FGD6: variants seen among roughly 807,000 people sequenced by gnomAD.
FGD6 encodes the protein FYVE, RhoGEF and PH domain-containing protein 6.
FGD6 carries 90 observed loss-of-function variants against 149.4 expected under a neutral mutation model. That is an observed-to-expected ratio of 0.60 (90% CI 0.51 to 0.72). FGD6 has a LOEUF of 0.72. Among genes scored for constraint, FGD6 ranks in the 30% least tolerant of loss-of-function variants. FGD6 has a pLI of 0.00. For missense variants in FGD6, 1,437 were observed against 1,684.8 expected, an observed-to-expected ratio of 0.85 and a Z score of 2.57; for synonymous variants, 527 against 584.0, an observed-to-expected ratio of 0.90 and a Z score of 1.41.
At chr12:95,157,521 G>A (rs939611535) in intron 3 of FGD6, among the ~76,000 whole-genome samples, 3 of 135,142 alleles carry the variant, frequency 2.2e-5, no homozygotes, top group South Asian at 2.3e-4. Flanking sequence ...AGTCATGATC[G>A]TGCCACTGCA....
rs142845815 is a variant in FGD6 at position 95,209,018 on chromosome 12, C to T, written c.2266G>A (p.Glu756Lys). ...PEYENIRHYE[E>K]IPEYENLPFI... ...GGCAAGTTCTCGTACTCTGGTATTTCCTCATAATGGCGTATATTTTCATAC... is the reference window on the plus strand; with the variant it reads ...GGCAAGTTCTCGTACTCTGGTATTTTCTCATAATGGCGTATATTTTCATAC... The change falls in exon 2 of 21, where the codon GAA becomes AAA. Residue 756 changes from glutamate to lysine, a missense_variant. By Grantham distance (56) the Glu-to-Lys change is moderately conservative (BLOSUM62 1). This residue lies in a region of FGD6 where 1,055 missense variants were observed against 1,146.0 expected (regional missense o/e 0.92). Transcript: ENST00000343958. 1,443 of 1,614,090 alleles carry T rather than the reference C, an allele frequency of 8.9e-4. 2 individuals are homozygous for T. Among genetic ancestry groups the T allele is most frequent in the Non-Finnish European group, 1.2e-3 (1,383 of 1,180,020 alleles).
chr12:95,182,220 CTTT>C (rs34662366), intron 2 of FGD6, among the ~76,000 whole-genome samples: 18 of 135,268 alleles, frequency 1.3e-4, no homozygotes, highest in South Asian at 4.7e-4. Flanking sequence ...TGTATACATA[CTTT>C]TTTTTTTTTT....
rs1879838698 is a variant in FGD6, at chr12:95,141,410, G to A, written c.2815C>T (p.Leu939=). 1 of 1,613,902 alleles carries A rather than the reference G, an allele frequency of 6.2e-7. No individual in the cohort carries two copies. Among genetic ancestry groups the A allele is most frequent in the Non-Finnish European group, 8.5e-7 (1 of 1,179,984 alleles). ...YELNRDLLKE[L]EERMLHWTEQ... is the part of the protein sequence containing the mutation. ...TACCAGTGCAACATTCTTTCCTCCA[G>A]TTCCTTCAAGAGATCCCGGTTGAGC... Residue 939 remains leucine, a synonymous_variant, in exon 6 of 21, where the codon CTG becomes TTG. Transcript: ENST00000343958.
At chr12:95,143,485 C>T (rs1879917106) in intron 5 of FGD6, among the ~76,000 whole-genome samples, 1 of 152,104 alleles carries the variant, frequency 6.6e-6, no homozygotes, top group Admixed American at 6.6e-5. Context: ...CACATTAGCC[C>T]AAAGGAGCCA....
intron 2 of FGD6, among the ~76,000 whole-genome samples, chr12:95,204,749 C>G (rs1457325337): frequency 6.6e-6 from 1 of 152,122 alleles, no homozygotes; most frequent in Non-Finnish European, 1.5e-5. Context: ...GATAATTCAC[C>G]TCCCTTGGGC....
At chr12:95,104,929 CA>C in intron 14 of FGD6, 77 bp downstream of exon 14, 1 of 1,380,390 alleles carries the variant, frequency 7.2e-7, no homozygotes, top group Admixed American at 2.4e-5. Flanking sequence ...AACCAAAAAC[CA>C]AAATTTTCCT....
chr12:95,130,386 G>A (rs1219106674), intron 8 of FGD6, among the ~76,000 whole-genome samples: 1 of 152,082 alleles, frequency 6.6e-6, no homozygotes, highest in African/African-American at 2.4e-5. Context: ...AAAGTTGCCA[G>A]GAGTTGCCTC....
Position 95,209,375 on chromosome 12 carries a change from T to C in FGD6, c.1909A>G (p.Ile637Val). The change falls in exon 2 of 21, where the codon ATC (isoleucine) becomes GTC (valine). Residue 637 changes from isoleucine (I) to valine (V), a missense_variant. Transcript: ENST00000343958. ...TGAAAGTCACTCTTCATGAAACAGA[T>C]GGACAGTTTCATGCTGAGCAACTTT... ...FKKLLSMKLS[I>V]CFMKSDFQKF... 1 of 1,613,512 alleles carries C rather than the reference T, an allele frequency of 6.2e-7. No homozygotes were observed. The highest frequency in any genetic ancestry group is 8.5e-7 in the Non-Finnish European group (1 of 1,179,676).
rs2056716429 is a variant in FGD6, at chr12:95,210,034, G to T, written c.1250C>A (p.Ser417Tyr). The change falls in exon 2 of 21, where the codon TCT (serine) becomes TAT (tyrosine). Residue 417 changes from serine to tyrosine, a missense_variant. Coordinates refer to ENST00000343958, the MANE Select transcript of FGD6 (RefSeq NM_018351.4). ...ACTCAAATTAGAGTCTTTATCAAAAGAAGGTGCCATTTTTTCAAAGGAAGT... is the reference window on the plus strand; with the variant it reads ...ACTCAAATTAGAGTCTTTATCAAAATAAGGTGCCATTTTTTCAAAGGAAGT... ...ETTSFEKMAP[S>Y]FDKDSNLSSD... The T allele has an allele frequency of 6.8e-6, 11 of 1,613,856 alleles. No individual in the cohort carries two copies. Among genetic ancestry groups the T allele is most frequent in the Non-Finnish European group, 9.3e-6 (11 of 1,179,998 alleles).
Position 95,137,743 on chromosome 12 carries a change from C to G in FGD6, c.2838-65G>C, listed in dbSNP as rs932569538. On this transcript the variant is annotated intron_variant, in intron 6 of 20. Transcript: ENST00000343958. ...AGATTGATGAACATATGCAATGATA[C>G]GCAGAGTCCACATCTAAGCCGCCAA... The G allele has an allele frequency of 1.2e-5, 14 of 1,170,324 alleles. No individual in the cohort carries two copies. The East Asian group carries it at 3.4e-4, about 28-fold the overall frequency. The allele number at this position is 1,170,324 out of a possible 1,614,324, so 72.5% of individuals were successfully genotyped here. A position where few individuals can be genotyped will look rare whatever the true frequency, so the allele number is the denominator to read the frequency against.
intron 2 of FGD6, among the ~76,000 whole-genome samples, chr12:95,187,606 T>G (rs1301045325): frequency 6.6e-6 from 1 of 150,690 alleles, no homozygotes; most frequent in Non-Finnish European, 1.5e-5. Flanking sequence ...TGAGCCAAGA[T>G]TGCGCCACTC....
intron 13 of FGD6, 24 bp downstream of exon 13, chr12:95,106,929 CA>C: frequency 6.8e-7 from 1 of 1,472,572 alleles, no homozygotes; most frequent in Non-Finnish European, 9.3e-7. Flanking sequence ...AAACAAAAAA[CA>C]AAACATCTAA....
intron 8 of FGD6, chr12:95,116,880 G>C (rs1702571174): frequency 2.2e-6 from 1 of 455,792 alleles, no homozygotes; most frequent in Non-Finnish European, 4.4e-6. Flanking sequence ...AAACAGTTAA[G>C]AATCACCTGG....
intron 1 of FGD6, among the ~76,000 whole-genome samples, chr12:95,212,629 T>A (rs2056733359): frequency 6.6e-6 from 1 of 152,240 alleles, no homozygotes; most frequent in Non-Finnish European, 1.5e-5. Flanking sequence ...GATCTAACAC[T>A]TAATAAAAAC....
At chr12:95,172,798 CAA>C (rs1427902994) in intron 2 of FGD6, 54 bp from the exon 3 acceptor site, 1 of 1,423,202 alleles carries the variant, frequency 7.0e-7, no homozygotes, top group Non-Finnish European at 9.4e-7. Context: ...GAAGTGCTAG[CAA>C]AACAAAAACC....
chr12:95,107,641 C>A lies in FGD6; in HGVS notation c.3265-10G>T. ...CTTCTTTGAGAAAAACCTGATTCAC[C>A]CAAACAAACACCCATTTAGTCCTAC... On this transcript the variant is annotated splice_polypyrimidine_tract_variant and intron_variant, in intron 11 of 20. Transcript: ENST00000343958. The A allele has an allele frequency of 2.5e-6, 4 of 1,613,728 alleles. No individual in the cohort carries two copies. In the South Asian group the frequency reaches 3.3e-5, roughly 13 times the overall value.
chr12:95,194,732 A>C (rs1355206141), intron 2 of FGD6, among the ~76,000 whole-genome samples: 1 of 152,162 alleles, frequency 6.6e-6, no homozygotes, highest in Non-Finnish European at 1.5e-5. Flanking sequence ...ATGTGAGTAC[A>C]AGTAAAAACG....
At chr12:95,167,695 C>T (rs1880863073) in intron 3 of FGD6, among the ~76,000 whole-genome samples, 1 of 151,692 alleles carries the variant, frequency 6.6e-6, no homozygotes, top group South Asian at 2.1e-4. Context: ...CTGCCTCAGC[C>T]TCCTGAGTAG....
chr12:95,114,789 C>T (rs1382256032), intron 8 of FGD6, among the ~76,000 whole-genome samples: 1 of 152,068 alleles, frequency 6.6e-6, no homozygotes, highest in African/African-American at 2.4e-5. Context: ...ATACAAATTC[C>T]TTTCTGGAAT....
Sources: gnomAD v4.1 joint callset for allele counts (sites outside exome capture counted in the v4.1 genomes callset) on GRCh38, gnomAD v4.1.1 for gene constraint, gnomAD v4.1.1 regional missense constraint, MANE v1.5 for transcripts, NCBI Gene and HGNC (gene_info 2026-07-23, HGNC 2026-07-21) for gene names.